PPP3CA: variants seen among roughly 807,000 people sequenced by gnomAD.
The protein encoded by PPP3CA is CAM-PRP catalytic subunit.
In PPP3CA, 14 loss-of-function variants were observed where a neutral mutation model predicts 66.5. The observed-to-expected ratio is 0.21, with a 90% CI of 0.14 to 0.33. The LOEUF is 0.33. Among genes scored for constraint, PPP3CA ranks in the 10% least tolerant of loss-of-function variants. PPP3CA has a pLI of 1.00. For missense variants in PPP3CA, 317 were observed against 639.5 expected (o/e 0.50, Z 5.44); for synonymous variants, 232 against 226.2 (o/e 1.03, Z -0.23).
intron 10 of PPP3CA, among the ~76,000 whole-genome samples, chr4:101,042,173 C>CTTTTTTTT: frequency 1.1e-5 from 1 of 91,162 alleles, no homozygotes; most frequent in Non-Finnish European, 2.3e-5. Flanking sequence ...AAGGTCTTTG[C>CTTTTTTTT]TTTTTTTTTT....
chr4:101,073,934 T>C (rs1000900673), intron 8 of PPP3CA, among the ~76,000 whole-genome samples: 1 of 152,206 alleles, frequency 6.6e-6, no homozygotes, highest in African/African-American at 2.4e-5. Context: ...GGCAAACAAG[T>C]GCTCAGGACC....
chr4:101,281,720 A>G (rs1380499230), intron 1 of PPP3CA, among the ~76,000 whole-genome samples: 1 of 152,234 alleles, frequency 6.6e-6, no homozygotes, highest in African/African-American at 2.4e-5. Flanking sequence ...ATGTAATAAG[A>G]AAGTGGTTAA....
At chr4:101,125,111 G>A (rs1029248219) in intron 2 of PPP3CA, among the ~76,000 whole-genome samples, 1 of 138,940 alleles carries the variant, frequency 7.2e-6, no homozygotes, top group Admixed American at 6.8e-5. Context: ...ACATAGGCAG[G>A]GGGGGTATAA....
rs1560605231 is a variant in PPP3CA at position 101,106,460 on chromosome 4, GAAAAGAAAAGA to G, written c.384+2483_384+2493del. Reference sequence around the variant, plus strand: ...AAGAAAGAAAGAAAGAAAGAGAAAAGAAAAGAAAAGAAAAGAAAAGAAAAGAAAAGAAAAGA... The same window carrying G: ...AAGAAAGAAAGAAAGAAAGAGAAAAGAAAGAAAAGAAAAGAAAAGAAAAGA... On this transcript the variant is annotated intron_variant, in intron 3 of 13. Transcript: ENST00000394854. Among the ~76,000 whole-genome samples, 25 of 23,484 alleles carry G rather than the reference GAAAAGAAAAGA, an allele frequency of 1.1e-3. 4 individuals carry two copies. In the East Asian group the frequency reaches 0.014, roughly 13 times the overall value. 15.4% of individuals were successfully genotyped at this position (23,484 alleles called of 152,430 possible).
At chr4:101,057,755 T>A (rs1451305252) in intron 10 of PPP3CA, among the ~76,000 whole-genome samples, 1 of 152,214 alleles carries the variant, frequency 6.6e-6, no homozygotes, top group East Asian at 1.9e-4. Flanking sequence ...CTATCGTGAA[T>A]GCATAATGTA....
Position 101,347,142 on chromosome 4 carries a change from G to T in PPP3CA, c.-346C>A, listed in dbSNP as rs945716493. ...GGATGGGGAGGAGAAGCGCACACAC[G>T]AGCACCCACCCCGGCACGGAGACCC... On this transcript the variant is annotated 5_prime_UTR_variant, in exon 1 of 14. Transcript: ENST00000394854. The T allele has an allele frequency of 6.9e-6, 3 of 436,414 alleles. No homozygotes were observed. The highest frequency in any genetic ancestry group is 2.1e-5 in the South Asian group (1 of 46,666). The allele number at this position is 436,414 out of a possible 1,614,324, so 27.0% of individuals were successfully genotyped here. A position where few individuals can be genotyped will look rare whatever the true frequency, so the allele number is the denominator to read the frequency against.
intron 2 of PPP3CA, among the ~76,000 whole-genome samples, chr4:101,175,277 A>G (rs993075740): frequency 1.3e-5 from 2 of 152,192 alleles, no homozygotes; most frequent in Admixed American, 6.5e-5. Flanking sequence ...AGCTTGAATT[A>G]GAACTTAGGG....
chr4:101,291,499 C>G (rs1423155905), intron 1 of PPP3CA, among the ~76,000 whole-genome samples: 1 of 152,224 alleles, frequency 6.6e-6, no homozygotes, highest in African/African-American at 2.4e-5. Context: ...CTCCACTCTA[C>G]CAGTCCACAT....
At chr4:101,341,185 G>A (rs1192600311) in intron 1 of PPP3CA, among the ~76,000 whole-genome samples, 1 of 142,376 alleles carries the variant, frequency 7.0e-6, no homozygotes, top group East Asian at 2.1e-4. Context: ...CAAAAGAAGT[G>A]GCCATTTTCT....
chr4:101,321,618 CTTG>C (rs1271431559), intron 1 of PPP3CA, among the ~76,000 whole-genome samples: 3 of 152,268 alleles, frequency 2.0e-5, no homozygotes, highest in Non-Finnish European at 2.9e-5. Flanking sequence ...GCAGGATTCA[CTTG>C]TTGTTGTCAT....
chr4:101,043,570 A>C (rs915679631), intron 10 of PPP3CA, among the ~76,000 whole-genome samples: 31 of 152,090 alleles, frequency 2.0e-4, no homozygotes, highest in Admixed American at 1.2e-3. Context: ...AAAAAAAAAA[A>C]AACTCTCCTT....
intron 10 of PPP3CA, among the ~76,000 whole-genome samples, chr4:101,046,772 CAG>C (rs1301076331): frequency 6.6e-6 from 1 of 152,028 alleles, no homozygotes; most frequent in African/African-American, 2.4e-5. Flanking sequence ...TTTTGCCAAA[CAG>C]AGCAATTACT....
At chr4:101,315,685 C>T (rs1319714904) in intron 1 of PPP3CA, among the ~76,000 whole-genome samples, 3 of 152,168 alleles carry the variant, frequency 2.0e-5, no homozygotes, top group Non-Finnish European at 4.4e-5. Context: ...AAGCTCAGTT[C>T]CCGCTCACAG....
chr4:101,079,124 G>A (rs1729315637), intron 8 of PPP3CA, among the ~76,000 whole-genome samples: 1 of 152,134 alleles, frequency 6.6e-6, no homozygotes, highest in Non-Finnish European at 1.5e-5. Context: ...TGGAATACAT[G>A]AAAGGAAACA....
At position 101,337,202 on chromosome 4, in the gene PPP3CA, T is replaced by A. The variant is rs529360301; in HGVS notation, c.58+9537A>T. ...ATGCCCCTAACTGGTTAAATTTTTT[T>A]AAAAATCACCTAATTCTCTGATGCT... is the stretch of plus-strand genomic sequence containing the variant. On this transcript the variant is annotated intron_variant, in intron 1 of 13. Coordinates refer to ENST00000394854, the MANE Select transcript of PPP3CA (RefSeq NM_000944.5). Among the ~76,000 whole-genome samples, 15 of 152,330 alleles carry A rather than the reference T, an allele frequency of 9.8e-5. 1 individual carries two copies. The highest frequency in any genetic ancestry group is 4.1e-4 in the South Asian group (2 of 4,828).
chr4:101,142,349 A>C (rs1722836758), intron 2 of PPP3CA, among the ~76,000 whole-genome samples: 1 of 152,226 alleles, frequency 6.6e-6, no homozygotes. Flanking sequence ...AGTGAATCAG[A>C]AAAGATAAGA....
At chr4:101,173,462 T>C (rs977348518) in intron 2 of PPP3CA, among the ~76,000 whole-genome samples, 1 of 152,238 alleles carries the variant, frequency 6.6e-6, no homozygotes, top group South Asian at 2.1e-4. Context: ...TATCCAGCCC[T>C]AGCAATTGAC....
intron 2 of PPP3CA, among the ~76,000 whole-genome samples, chr4:101,187,726 T>G (rs1560647932): frequency 6.6e-6 from 1 of 152,162 alleles, no homozygotes; most frequent in Non-Finnish European, 1.5e-5. Context: ...AAACTTTACC[T>G]TTTAAAATTA....
intron 1 of PPP3CA, among the ~76,000 whole-genome samples, chr4:101,219,431 G>A (rs560915599): frequency 4.6e-5 from 7 of 151,930 alleles, no homozygotes; most frequent in African/African-American, 1.4e-4. Flanking sequence ...CTAGCATGGA[G>A]GCAAAGACAG....
Sources: allele counts gnomAD v4.1 joint callset (sites outside exome capture counted in the v4.1 genomes callset), GRCh38; gene constraint gnomAD v4.1.1; transcripts MANE v1.5; gene names NCBI Gene and HGNC (gene_info 2026-07-23, HGNC 2026-07-21).